Variants in ADIPOR1 observed in about 807,000 individuals in gnomAD.
The protein encoded by ADIPOR1 is adiponectin receptor protein 1.
Under a neutral mutation model 37.5 loss-of-function variants are expected in ADIPOR1, and 15 were observed. That is an observed-to-expected ratio of 0.40 (90% CI 0.27 to 0.62). The LOEUF is 0.62. Among genes scored for constraint, ADIPOR1 ranks in the 20% least tolerant of loss-of-function variants. ADIPOR1 has a pLI of 0.42. For missense variants in ADIPOR1, 286 were observed against 478.0 expected (o/e 0.60, Z 3.75); for synonymous variants, 173 against 173.2 (o/e 1.00, Z 0.01).
At chr1:202,943,447 G>A (rs1216872877) in intron 6 of ADIPOR1, among the ~76,000 whole-genome samples, 2 of 152,122 alleles carry the variant, frequency 1.3e-5, no homozygotes, top group Non-Finnish European at 1.5e-5. Context: ...CTTGGGACTC[G>A]GGTCACTAAA....
In ADIPOR1 at chr1:202,942,200, C is replaced by T; in HGVS notation, c.824G>A (p.Gly275Asp). The change falls in exon 7 of 8, where the codon GGC (glycine) becomes GAC (aspartate). Residue 275 changes from glycine to aspartate, a missense_variant. By Grantham distance (94) the Gly-to-Asp change is moderately conservative (BLOSUM62 -1). Transcript: ENST00000340990. ...QTRAGVFLGL[G>D]LSGVVPTMHF... ...CATGGTGGGCACGACGCCACTCAAG[C>T]CAAGTCCCAGGAACACGCCTGAACA... 6.2e-7 allele frequency: 1 copy of T among 1,613,946 alleles called. No individual in the cohort carries two copies. Among genetic ancestry groups the T allele is most frequent in the South Asian group, 1.1e-5 (1 of 91,032 alleles).
chr1:202,943,743 C>T lies in ADIPOR1; in HGVS notation c.805+15G>A, dbSNP rs761085928. Reference sequence around the variant, plus strand: ...TCTAAATACCTCTGAGGTGTACGTACATCTTCCGACCTACCTGCTCTTGTC... The same window carrying T: ...TCTAAATACCTCTGAGGTGTACGTATATCTTCCGACCTACCTGCTCTTGTC... On this transcript the variant is annotated intron_variant, in intron 6 of 7. Coordinates refer to ENST00000340990, the MANE Select transcript of ADIPOR1 (RefSeq NM_015999.6). 1.9e-6 allele frequency: 3 copies of T among 1,611,578 alleles called. No individual in the cohort carries two copies. Among genetic ancestry groups the T allele is most frequent in the African/African-American group, 1.3e-5 (1 of 74,872 alleles).
At chr1:202,954,808 A>G (rs1279879725) in intron 1 of ADIPOR1, among the ~76,000 whole-genome samples, 1 of 152,202 alleles carries the variant, frequency 6.6e-6, no homozygotes, top group African/African-American at 2.4e-5. Context: ...AGTTAGCTGG[A>G]GAGTTATTTC....
In ADIPOR1 at chr1:202,951,102, G is replaced by C; in HGVS notation, c.-32C>G. On this transcript the variant is annotated 5_prime_UTR_variant, in exon 2 of 8. Transcript: ENST00000340990. ...GGTACCTCAATACCCTGCAGCTTCA[G>C]CTTGGGGAAAGGTTGGGGTCTCTCA... The C allele has an allele frequency of 1.2e-6, 2 of 1,612,828 alleles. No homozygotes were observed. Among genetic ancestry groups the C allele is most frequent in the Non-Finnish European group, 1.7e-6 (2 of 1,178,920 alleles).
chr1:202,952,319 C>T (rs1654608223), intron 1 of ADIPOR1, among the ~76,000 whole-genome samples: 1 of 152,172 alleles, frequency 6.6e-6, no homozygotes, highest in African/African-American at 2.4e-5. Flanking sequence ...AACAACTGCA[C>T]ATGGAGTGGG....
At position 202,944,296 on chromosome 1, in the gene ADIPOR1, A is replaced by G. The variant is rs147899305; in HGVS notation, c.618-351T>C. On this transcript the variant is annotated intron_variant, in intron 5 of 7. Transcript: ENST00000340990. Reference sequence around the variant, plus strand: ...CAGGAAAGGCTTTGAAAATTCTCCTATTCTGATAGAATGAGTTCTAAAAAC... The same window carrying G: ...CAGGAAAGGCTTTGAAAATTCTCCTGTTCTGATAGAATGAGTTCTAAAAAC... 1.6e-3 allele frequency: 292 copies of G among 185,968 alleles called. 6 individuals are homozygous for G. The East Asian group carries it at 0.035, about 22-fold the overall frequency. 11.5% of individuals were successfully genotyped at this position (185,968 alleles called of 1,614,324 possible).
intron 1 of ADIPOR1, among the ~76,000 whole-genome samples, chr1:202,953,238 C>CA (rs11345566): frequency 7.2e-4 from 104 of 143,558 alleles, no homozygotes; most frequent in African/African-American, 1.7e-3. Context: ...ATATCGCAAG[C>CA]AAAAAAAAAA....
chr1:202,943,757 C>T lies in ADIPOR1; in HGVS notation c.805+1G>A, dbSNP rs2102482262. 3.7e-6 allele frequency: 6 copies of T among 1,612,876 alleles called. No homozygotes were observed. Among genetic ancestry groups the T allele is most frequent in the Non-Finnish European group, 5.1e-6 (6 of 1,179,882 alleles). Reference sequence around the variant, plus strand: ...AGGTGTACGTACATCTTCCGACCTACCTGCTCTTGTCTGCCGGTGCTTAGG... The same window carrying T: ...AGGTGTACGTACATCTTCCGACCTATCTGCTCTTGTCTGCCGGTGCTTAGG... On this transcript the variant is annotated splice_donor_variant, in intron 6 of 7. Transcript: ENST00000340990. LOFTEE classifies it high-confidence loss of function.
At chr1:202,949,154 A>G (rs1345667024) in intron 2 of ADIPOR1, among the ~76,000 whole-genome samples, 1 of 152,106 alleles carries the variant, frequency 6.6e-6, no homozygotes, top group African/African-American at 2.4e-5. Flanking sequence ...AATTCTGTTC[A>G]GAGTTCCCTG....
At position 202,943,812 on chromosome 1, in the gene ADIPOR1, T is replaced by G. The variant is rs1463158017; in HGVS notation, c.751A>C (p.Ile251Leu). ...IVCVLGISAI[I>L]VAQWDRFATP... ...GCAAACCGGTCCCACTGCGCCACAATGATGGCAGAAATGCCCAGGACACAG... is the reference window on the plus strand; with the variant it reads ...GCAAACCGGTCCCACTGCGCCACAAGGATGGCAGAAATGCCCAGGACACAG... Residue 251 changes from isoleucine (I) to leucine (L), a missense_variant, in exon 6 of 8, where the codon ATT becomes CTT. Ile to Leu is a conservative substitution (Grantham distance 5). Transcript: ENST00000340990. 1 of 1,614,086 alleles carries G rather than the reference T, an allele frequency of 6.2e-7. No individual in the cohort carries two copies. The highest frequency in any genetic ancestry group is 8.5e-7 in the Non-Finnish European group (1 of 1,180,026).
chr1:202,957,788 G>A (rs934323798), intron 1 of ADIPOR1, among the ~76,000 whole-genome samples: 6 of 152,162 alleles, frequency 3.9e-5, no homozygotes, highest in African/African-American at 1.4e-4. Context: ...CGCGACCTAG[G>A]CCCGCAGCCC....
chr1:202,950,435 C>A (rs1287839832), intron 2 of ADIPOR1, among the ~76,000 whole-genome samples: 1 of 151,876 alleles, frequency 6.6e-6, no homozygotes, highest in Non-Finnish European at 1.5e-5. Context: ...AAGAGAGGGC[C>A]TTTCTTCTCG....
chr1:202,956,825 T>C (rs1189347236), intron 1 of ADIPOR1, among the ~76,000 whole-genome samples: 2 of 152,192 alleles, frequency 1.3e-5, no homozygotes, highest in Non-Finnish European at 2.9e-5. Flanking sequence ...TGGTGTACTT[T>C]ATAAATCAGC....
At chr1:202,943,703 C>G (rs769555479) in intron 6 of ADIPOR1, 55 bp downstream of exon 6, 8 of 1,556,488 alleles carry the variant, frequency 5.1e-6, no homozygotes, top group Non-Finnish European at 7.0e-6. Flanking sequence ...AGGTTTGAGC[C>G]TATCAGGCCT....
chr1:202,946,846 G>A lies in ADIPOR1; in HGVS notation c.259-236C>T, dbSNP rs370646312. ...AAAAAAAATCCTGGCTGAGTGTAGC[G>A]GCTCATGCCTGTAATCTTAGCACTT... On this transcript the variant is annotated intron_variant, in intron 3 of 7. Coordinates refer to ENST00000340990, the MANE Select transcript of ADIPOR1 (RefSeq NM_015999.6). Among the ~76,000 whole-genome samples, 52 of 151,916 alleles carry A rather than the reference G, an allele frequency of 3.4e-4. 1 individual carries two copies. In the East Asian group the frequency reaches 8.3e-3, roughly 24 times the overall value.
At chr1:202,941,799 A>T in intron 7 of ADIPOR1, 98 bp from the exon 8 acceptor site, 1 of 1,457,160 alleles carries the variant, frequency 6.9e-7, no homozygotes, top group South Asian at 1.4e-5. Flanking sequence ...ATCCTTAATT[A>T]AACAAATTTG....
intron 3 of ADIPOR1, among the ~76,000 whole-genome samples, chr1:202,947,476 C>T (rs911404790): frequency 7.2e-5 from 11 of 151,880 alleles, no homozygotes; most frequent in Non-Finnish European, 2.9e-5. Flanking sequence ...GAGCTGAGAT[C>T]GTGCCACTGC....
rs770375274 is a variant in ADIPOR1, at chr1:202,946,395, T to C, written c.430+44A>G. ...TTGGGCTCTATAATCCCTTCGCAGT[T>C]AGGGAGACAACAAATTCCACCTTTC... On this transcript the variant is annotated intron_variant, in intron 4 of 7. Transcript: ENST00000340990. 3 of 1,609,548 alleles carry C rather than the reference T, an allele frequency of 1.9e-6. No homozygotes were observed. The African/African-American group carries it at 4.0e-5, about 22-fold the overall frequency.
chr1:202,950,797 A>T, intron 2 of ADIPOR1, 133 bp downstream of exon 2: 1 of 1,244,896 alleles, frequency 8.0e-7, no homozygotes, highest in Non-Finnish European at 1.1e-6. Flanking sequence ...ACAGTATCAT[A>T]GGGACTTGGA....
Sources: allele counts gnomAD v4.1 joint callset (sites outside exome capture counted in the v4.1 genomes callset), GRCh38; gene constraint gnomAD v4.1.1; transcripts MANE v1.5; gene names NCBI Gene and HGNC (gene_info 2026-07-23, HGNC 2026-07-21).